Variants in MED27 observed in about 807,000 individuals in gnomAD.
MED27 encodes the protein mediator complex subunit 27.
Under a neutral mutation model 38.2 loss-of-function variants are expected in MED27, and 30 were observed. That is an observed-to-expected ratio of 0.79 (90% CI 0.59 to 1.07). MED27 has a LOEUF of 1.07. MED27 is among the 50% of genes least tolerant of loss of function. MED27 has a pLI of 0.00. For synonymous variants in MED27, 122 were observed against 153.5 expected (o/e 0.79, Z 1.52); for missense variants, 289 against 397.5 (o/e 0.73, Z 2.32).
At chr9:131,900,307 C>T (rs1032618103) in intron 4 of MED27, among the ~76,000 whole-genome samples, 4 of 152,262 alleles carry the variant, frequency 2.6e-5, no homozygotes, top group African/African-American at 7.2e-5. Context: ...TTCCAGCAAT[C>T]GCCTGCCAAG....
intron 4 of MED27, among the ~76,000 whole-genome samples, chr9:131,916,361 C>T (rs540143588): frequency 9.2e-5 from 14 of 152,286 alleles, no homozygotes; most frequent in African/African-American, 2.9e-4. Flanking sequence ...CAGGACAACC[C>T]GATTGTCTAC....
chr9:131,977,142 C>T (rs1415610277), intron 3 of MED27, among the ~76,000 whole-genome samples: 1 of 152,126 alleles, frequency 6.6e-6, no homozygotes, highest in Non-Finnish European at 1.5e-5. Flanking sequence ...TTCCTGGAAC[C>T]GTATTCAAAA....
chr9:132,071,705 C>T (rs1833942571), intron 2 of MED27, among the ~76,000 whole-genome samples: 1 of 151,698 alleles, frequency 6.6e-6, no homozygotes, highest in Non-Finnish European at 1.5e-5. Flanking sequence ...TAACACGCGT[C>T]CATGAACAAG....
intron 4 of MED27, among the ~76,000 whole-genome samples, chr9:131,910,052 T>C (rs1830158899): frequency 6.6e-6 from 1 of 152,198 alleles, no homozygotes; most frequent in South Asian, 2.1e-4. Context: ...TTATGTAGAA[T>C]GCATTTACAA....
At chr9:131,949,973 T>C (rs763830822) in intron 3 of MED27, among the ~76,000 whole-genome samples, 6 of 151,610 alleles carry the variant, frequency 4.0e-5, no homozygotes, top group Non-Finnish European at 5.9e-5. Context: ...CTAAAAATAT[T>C]AATATAATTA....
intron 4 of MED27, among the ~76,000 whole-genome samples, chr9:131,935,001 G>A (rs1003477708): frequency 2.6e-5 from 4 of 152,074 alleles, no homozygotes; most frequent in Admixed American, 2.6e-4. Context: ...ATTTGTGGGA[G>A]GTAAAAATTA....
chr9:131,881,800 C>CTT (rs61624043), intron 6 of MED27, among the ~76,000 whole-genome samples: 1,591 of 60,892 alleles, frequency 0.026, 156 homozygotes, highest in African/African-American at 0.055. Context: ...TCTTCTTCTT[C>CTT]TTTTTTTTTT....
intron 4 of MED27, among the ~76,000 whole-genome samples, chr9:131,907,345 G>A (rs865982836): frequency 6.6e-6 from 1 of 152,134 alleles, no homozygotes; most frequent in South Asian, 2.1e-4. Flanking sequence ...CAGCCTGCGA[G>A]TGCCTGCGAC....
chr9:132,001,294 T>C (rs1406775586), intron 3 of MED27, among the ~76,000 whole-genome samples: 1 of 152,130 alleles, frequency 6.6e-6, no homozygotes. Context: ...AGTAAGGTGA[T>C]AGTTTCAGAG....
At chr9:132,040,475 G>T (rs1490078384) in intron 2 of MED27, among the ~76,000 whole-genome samples, 2 of 152,194 alleles carry the variant, frequency 1.3e-5, no homozygotes, top group Admixed American at 6.5e-5. Context: ...GGCATCACCT[G>T]ACGAGAGACT....
At chr9:131,929,652 G>A (rs1830544632) in intron 4 of MED27, among the ~76,000 whole-genome samples, 1 of 152,208 alleles carries the variant, frequency 6.6e-6, no homozygotes, top group Non-Finnish European at 1.5e-5. Context: ...CAGTGGTGGT[G>A]GCGGTCACTG....
At chr9:132,018,873 A>G (rs933646412) in intron 2 of MED27, among the ~76,000 whole-genome samples, 2 of 152,102 alleles carry the variant, frequency 1.3e-5, no homozygotes, top group Non-Finnish European at 2.9e-5. Flanking sequence ...GTAAAGGGGA[A>G]AAAAGAGCTC....
At chr9:131,907,932 C>T (rs1830102384) in intron 4 of MED27, among the ~76,000 whole-genome samples, 2 of 150,070 alleles carry the variant, frequency 1.3e-5, no homozygotes, top group African/African-American at 2.5e-5. Context: ...AGGTGAGGAG[C>T]GTCTCTGCCC....
intron 3 of MED27, among the ~76,000 whole-genome samples, chr9:131,946,482 C>T (rs1432775072): frequency 6.6e-6 from 1 of 152,198 alleles, no homozygotes; most frequent in Non-Finnish European, 1.5e-5. Context: ...AAAGACCTAC[C>T]CCCATGACTT....
At chr9:132,005,135 T>C (rs1832331354) in intron 3 of MED27, among the ~76,000 whole-genome samples, 1 of 152,156 alleles carries the variant, frequency 6.6e-6, no homozygotes, top group Non-Finnish European at 1.5e-5. Flanking sequence ...AATAAATACA[T>C]AAAAACGGAC....
chr9:132,032,116 G>A (rs986858116), intron 2 of MED27: 3 of 152,192 alleles, frequency 2.0e-5, no homozygotes, highest in Non-Finnish European at 4.4e-5. Context: ...TGCCATGGGA[G>A]CCTGGGCACG....
At chr9:131,904,521 T>C (rs1830015302) in intron 4 of MED27, among the ~76,000 whole-genome samples, 1 of 148,664 alleles carries the variant, frequency 6.7e-6, no homozygotes, top group Admixed American at 6.7e-5. Flanking sequence ...TTCTTTTCTT[T>C]TTTTTTTAAA....
intron 3 of MED27, among the ~76,000 whole-genome samples, chr9:131,960,820 A>C (rs1278372101): frequency 6.6e-6 from 1 of 152,204 alleles, no homozygotes; most frequent in Non-Finnish European, 1.5e-5. Flanking sequence ...TACTCCTAAA[A>C]CATGCAAATG....
intron 2 of MED27, among the ~76,000 whole-genome samples, chr9:132,064,215 G>C (rs1833760080): frequency 6.6e-6 from 1 of 152,182 alleles, no homozygotes; most frequent in Non-Finnish European, 1.5e-5. Flanking sequence ...GAGCAGGTGG[G>C]TGATCGGACA....
Sources: allele counts gnomAD v4.1 joint callset (sites outside exome capture counted in the v4.1 genomes callset), GRCh38; gene constraint gnomAD v4.1.1; transcripts MANE v1.5; gene names NCBI Gene and HGNC (gene_info 2026-07-23, HGNC 2026-07-21).